WDR49: variants seen among roughly 807,000 people sequenced by gnomAD.
WDR49 encodes the protein cilia- and flagella-associated protein 337.
WDR49 carries 107 observed loss-of-function variants against 119.5 expected under a neutral mutation model. The ratio of observed to expected loss-of-function variants is 0.90; its 90% confidence interval spans 0.77 to 1.05. WDR49 has a LOEUF of 1.05. WDR49 is among the 50% of genes least tolerant of loss of function. The probability of loss-of-function intolerance (pLI) is 0.00; values close to 1 mark genes in which losing one functional copy is unlikely to be tolerated. For synonymous variants in WDR49, 425 were observed against 418.8 expected (o/e 1.01, Z -0.18); for missense variants, 1,240 against 1,220.5 (o/e 1.02, Z -0.24).
intron 3 of WDR49, among the ~76,000 whole-genome samples, chr3:167,622,189 C>T (rs2108322937): frequency 6.6e-6 from 1 of 152,074 alleles, no homozygotes; most frequent in African/African-American, 2.4e-5. Context: ...GACTTCAATT[C>T]AACTATTATA....
chr3:167,609,916 T>G (rs537594388), intron 5 of WDR49, among the ~76,000 whole-genome samples: 1 of 152,170 alleles, frequency 6.6e-6, no homozygotes, highest in Non-Finnish European at 1.5e-5. Flanking sequence ...CCCTCAATCC[T>G]GGATGACACT....
Position 167,560,113 on chromosome 3 carries a change from T to C in WDR49, c.1625A>G (p.Asp542Gly). Reference protein sequence around the residue: ...GNAEISTMALDANETRLLTGS... With the variant: ...GNAEISTMALGANETRLLTGS... The stretch of plus-strand genomic sequence containing the variant: ...AGTCAAAAGCCGAGTCTCATTTGCA[T>C]CAAGGGCCATAGTGCTGATTTCTGC... Residue 542 changes from aspartate to glycine, a missense_variant, in exon 9 of 19, where the codon GAT (aspartate) becomes GGT (glycine). Coordinates refer to ENST00000682715, the MANE Select transcript of WDR49 (RefSeq NM_001366157.1). The C allele has an allele frequency of 6.2e-7, 1 of 1,614,208 alleles. No individual in the cohort carries two copies.
intron 16 of WDR49, among the ~76,000 whole-genome samples, chr3:167,520,055 A>G (rs62277766): frequency 0.28 from 42,712 of 151,028 alleles, 6,120 homozygotes; most frequent in African/African-American, 0.33. Flanking sequence ...GCAACATGAC[A>G]AAACCTCATC....
At chr3:167,528,402 G>A (rs34746575) in intron 14 of WDR49, among the ~76,000 whole-genome samples, 4,201 of 151,912 alleles carry the variant, frequency 0.028, 78 homozygotes, top group Middle Eastern at 0.075. Context: ...CTAACTCAGG[G>A]TAACAATAAT....
intron 2 of WDR49, among the ~76,000 whole-genome samples, chr3:167,629,428 G>A (rs1434823742): frequency 6.6e-6 from 1 of 152,068 alleles, no homozygotes; most frequent in African/African-American, 2.4e-5. Context: ...CATGTCCCTG[G>A]TGGCTCAAGA....
At chr3:167,484,805 T>G (rs967305107) in intron 18 of WDR49, among the ~76,000 whole-genome samples, 1 of 151,770 alleles carries the variant, frequency 6.6e-6, no homozygotes, top group Middle Eastern at 3.4e-3. Flanking sequence ...AAAAAAATTA[T>G]GAACCAGAAA....
intron 7 of WDR49, among the ~76,000 whole-genome samples, chr3:167,577,032 A>G (rs905690269): frequency 6.6e-6 from 1 of 152,206 alleles, no homozygotes; most frequent in Non-Finnish European, 1.5e-5. Flanking sequence ...TCATATAACC[A>G]CAGATATTAA....
At chr3:167,648,066 A>G (rs1718209080) in intron 2 of WDR49, among the ~76,000 whole-genome samples, 1 of 137,576 alleles carries the variant, frequency 7.3e-6, no homozygotes, top group Non-Finnish European at 1.5e-5. Context: ...AAATCATGCC[A>G]TATATGGACT....
At position 167,516,612 on chromosome 3, in the gene WDR49, C is replaced by T. The variant is rs561059338; in HGVS notation, c.2774+5703G>A. Among the ~76,000 whole-genome samples the T allele has an allele frequency of 9.2e-5, 14 of 152,158 alleles. 1 individual carries two copies. In the South Asian group the frequency reaches 2.9e-3, roughly 32 times the overall value. On this transcript the variant is annotated intron_variant, in intron 16 of 18. Transcript: ENST00000682715. ...TGATATATGATCCTTTGGGTATATA[C>T]CCAGTAATGGGATGGCTGGGTCAAA...
At chr3:167,622,382 A>G (rs956520759) in intron 3 of WDR49, among the ~76,000 whole-genome samples, 3 of 152,080 alleles carry the variant, frequency 2.0e-5, no homozygotes, top group Non-Finnish European at 4.4e-5. Context: ...TAAAAAGAAA[A>G]AAAGAAAGAA....
chr3:167,574,463 T>A (rs1444877655), intron 8 of WDR49, among the ~76,000 whole-genome samples: 1 of 152,252 alleles, frequency 6.6e-6, no homozygotes, highest in East Asian at 1.9e-4. Context: ...ATGTATGTGA[T>A]ACACAGCTCT....
chr3:167,487,776 T>C (rs1750981423), intron 18 of WDR49, among the ~76,000 whole-genome samples: 1 of 151,896 alleles, frequency 6.6e-6, no homozygotes, highest in Non-Finnish European at 1.5e-5. Context: ...ATATGAAAAT[T>C]ACTCATCATC....
rs145913809 is a variant in WDR49, at chr3:167,531,206, C to T, written c.2127G>A (p.Thr709=). 187 of 1,611,760 alleles carry T rather than the reference C, an allele frequency of 1.2e-4. No homozygotes were observed. In the African/African-American group the frequency reaches 2.0e-3, roughly 17 times the overall value. ...PSHPMADHST[T]GVRNFEIDTE... The stretch of plus-strand genomic sequence containing the variant: ...TGTCAATCTCAAAGTTGCGGACTCC[C>T]GTGGTAGAATGGTCTGCCATGGGGT... Residue 709 remains threonine, a synonymous_variant, in exon 13 of 19, where the codon ACG becomes ACA. Coordinates refer to ENST00000682715, the MANE Select transcript of WDR49 (RefSeq NM_001366157.1).
At chr3:167,650,041 A>G (rs1718297681) in intron 2 of WDR49, among the ~76,000 whole-genome samples, 2 of 152,184 alleles carry the variant, frequency 1.3e-5, no homozygotes, top group Non-Finnish European at 2.9e-5. Flanking sequence ...ATGTTAAACC[A>G]TCATTGACAT....
At chr3:167,653,535 A>G (rs552670225) in intron 1 of WDR49, 36 bp from the exon 2 acceptor site, 2 of 1,320,698 alleles carry the variant, frequency 1.5e-6, no homozygotes, top group East Asian at 2.7e-5. Context: ...ACAGAATTCC[A>G]AAATGAAAGT....
Position 167,554,780 on chromosome 3 carries a change from A to C in WDR49, c.1693T>G (p.Tyr565Asp), listed in dbSNP as rs1712825371. ...GTVKIWDFNG[Y>D]CHHTLNVGQD... Reference sequence around the variant, plus strand: ...CCAACATTTAGTGTATGGTGACAATATCCATTGAAGTCCCATATCTTTAAG... The same window carrying C: ...CCAACATTTAGTGTATGGTGACAATCTCCATTGAAGTCCCATATCTTTAAG... Residue 565 changes from tyrosine to aspartate, a missense_variant, in exon 10 of 19, where the codon TAT becomes GAT. By Grantham distance (160) the Tyr-to-Asp change is radical. Coordinates refer to ENST00000682715, the MANE Select transcript of WDR49 (RefSeq NM_001366157.1). 5.6e-6 allele frequency: 9 copies of C among 1,609,224 alleles called. No homozygotes were observed. Among genetic ancestry groups the C allele is most frequent in the Non-Finnish European group, 7.6e-6 (9 of 1,178,664 alleles).
intron 9 of WDR49, 146 bp from the exon 10 acceptor site, chr3:167,554,944 G>A (rs943249319): frequency 1.0e-5 from 6 of 574,336 alleles, no homozygotes; most frequent in South Asian, 2.7e-5. Flanking sequence ...TTGTAATATT[G>A]TGAAATATCT....
intron 7 of WDR49, among the ~76,000 whole-genome samples, chr3:167,586,812 T>C (rs1040804570): frequency 2.0e-5 from 3 of 152,164 alleles, no homozygotes; most frequent in East Asian, 1.9e-4. Context: ...AATAGAAAGA[T>C]AAATTGTTTT....
intron 5 of WDR49, among the ~76,000 whole-genome samples, chr3:167,607,366 C>T (rs981600944): frequency 1.3e-5 from 2 of 152,128 alleles, no homozygotes; most frequent in East Asian, 1.9e-4. Context: ...ACTTTCTGAG[C>T]CCCAACAGTA....
Sources: gnomAD v4.1 joint callset for allele counts (sites outside exome capture counted in the v4.1 genomes callset) on GRCh38, gnomAD v4.1.1 for gene constraint, MANE v1.5 for transcripts, NCBI Gene and HGNC (gene_info 2026-07-23, HGNC 2026-07-21) for gene names.